The following FBXL17 variants were observed in gnomAD, a reference collection of about 807,000 sequenced individuals.
FBXL17 encodes F-box/LRR-repeat protein 17.
Under a neutral mutation model 66.2 loss-of-function variants are expected in FBXL17, and 22 were observed. The ratio of observed to expected loss-of-function variants is 0.33; its 90% CI spans 0.24 to 0.47. The LOEUF (loss-of-function observed/expected upper bound fraction) is 0.47, where lower values mean the gene tolerates loss of function less well. Among genes scored for constraint, FBXL17 ranks in the 20% least tolerant of loss-of-function variants. The pLI is 1.00. For missense variants in FBXL17, 878 were observed against 948.2 expected (o/e 0.93, Z 0.97); for synonymous variants, 474 against 400.5 (o/e 1.18, Z -2.19).
At chr5:108,009,194 C>T (rs1369999740) in intron 7 of FBXL17, among the ~76,000 whole-genome samples, 2 of 54,146 alleles carry the variant, frequency 3.7e-5, no homozygotes, top group African/African-American at 7.0e-5. Context: ...ATTTGAAAAG[C>T]ATATATATAT....
chr5:107,870,340 A>T (rs1360452531), intron 8 of FBXL17, among the ~76,000 whole-genome samples: 1 of 152,178 alleles, frequency 6.6e-6, no homozygotes, highest in Non-Finnish European at 1.5e-5. Context: ...CTTTTTTCAA[A>T]TATTCACCAC....
chr5:108,319,125 A>T (rs993058676), intron 4 of FBXL17, among the ~76,000 whole-genome samples: 21 of 151,910 alleles, frequency 1.4e-4, no homozygotes, highest in African/African-American at 5.1e-4. Context: ...ATTTTAAATA[A>T]GCCATTCCAC....
intron 7 of FBXL17, among the ~76,000 whole-genome samples, chr5:107,978,071 C>T (rs1272493330): frequency 1.3e-5 from 2 of 151,858 alleles, no homozygotes; most frequent in African/African-American, 4.8e-5. Context: ...CTTATTCAGT[C>T]AGCCTGCAGT....
chr5:108,012,907 A>C (rs1449968284), intron 7 of FBXL17, among the ~76,000 whole-genome samples: 3 of 150,682 alleles, frequency 2.0e-5, no homozygotes, highest in Non-Finnish European at 4.4e-5. Flanking sequence ...CCCAGCTACT[A>C]GGGAGGCTGA....
chr5:107,980,066 G>C (rs1752747925), intron 7 of FBXL17, among the ~76,000 whole-genome samples: 1 of 152,144 alleles, frequency 6.6e-6, no homozygotes, highest in Non-Finnish European at 1.5e-5. Flanking sequence ...CCACATGCGT[G>C]AACCTATGTA....
At chr5:107,960,024 C>A (rs1751829686) in intron 7 of FBXL17, among the ~76,000 whole-genome samples, 1 of 152,288 alleles carries the variant, frequency 6.6e-6, no homozygotes, top group African/African-American at 2.4e-5. Context: ...GTTGTGGAAA[C>A]TGATATTCAG....
chr5:108,238,962 G>A (rs1352683549), intron 4 of FBXL17, among the ~76,000 whole-genome samples: 12 of 152,086 alleles, frequency 7.9e-5, no homozygotes, highest in Admixed American at 2.6e-4. Context: ...TTTCAGTAGA[G>A]AGCTATAACA....
chr5:108,009,261 T>TTTTATATATATA (rs1554056569), intron 7 of FBXL17, among the ~76,000 whole-genome samples: 1 of 20,852 alleles, frequency 4.8e-5, no homozygotes, highest in Non-Finnish European at 8.6e-5. Context: ...GTTCCCTGTT[T>TTTTATATATATA]TATATATATA....
intron 7 of FBXL17, among the ~76,000 whole-genome samples, chr5:107,954,605 T>C (rs756044847): frequency 3.9e-5 from 6 of 152,234 alleles, no homozygotes; most frequent in Non-Finnish European, 8.8e-5. Context: ...TAGAGAATTC[T>C]TTTTAAAAAC....
chr5:108,197,450 T>C (rs1753724179), intron 5 of FBXL17, among the ~76,000 whole-genome samples: 1 of 152,162 alleles, frequency 6.6e-6, no homozygotes, highest in African/African-American at 2.4e-5. Context: ...TTCGAACCAA[T>C]TTCAGTCACT....
Position 108,171,966 on chromosome 5 carries a change from G to A in FBXL17, c.1745+14151C>T, listed in dbSNP as rs187541974. Among the ~76,000 whole-genome samples, 773 of 152,260 alleles carry A rather than the reference G, an allele frequency of 5.1e-3. 11 individuals carry two copies. The highest frequency in any genetic ancestry group is 8.1e-3 in the South Asian group (39 of 4,830). ...TCTCTCTTTTTGCCTGCTGCCATCC[G>A]TGTAAGACGTGACTTGCTCCTCCTT... On this transcript the variant is annotated intron_variant, in intron 6 of 8. Coordinates refer to ENST00000542267, the MANE Select transcript of FBXL17 (RefSeq NM_001163315.3).
chr5:108,152,734 T>G (rs559471780), intron 6 of FBXL17, among the ~76,000 whole-genome samples: 5 of 152,244 alleles, frequency 3.3e-5, no homozygotes, highest in African/African-American at 1.2e-4. Context: ...TTGAGAGGCA[T>G]GAAAATTAGA....
chr5:108,298,028 T>G (rs1267573351), intron 4 of FBXL17: 4 of 984,704 alleles, frequency 4.1e-6, no homozygotes, highest in Non-Finnish European at 1.2e-6. Flanking sequence ...GCAATGCAAT[T>G]ACTTCTGAAC....
rs562012240 is a variant in FBXL17, at chr5:107,976,071, A to G, written c.1822+44854T>C. On this transcript the variant is annotated intron_variant, in intron 7 of 8. Coordinates refer to ENST00000542267, the MANE Select transcript of FBXL17 (RefSeq NM_001163315.3). ...ACAGGGTTTCACCATGTTGGCCAGG[A>G]TGGTCTAGATCTCCTGACCTCATAA... Among the ~76,000 whole-genome samples the G allele has an allele frequency of 2.0e-3, 302 of 152,072 alleles. 2 individuals carry two copies. The highest frequency in any genetic ancestry group is 7.0e-3 in the African/African-American group (290 of 41,492).
chr5:108,315,471 A>T (rs987466927), intron 4 of FBXL17, among the ~76,000 whole-genome samples: 1 of 151,484 alleles, frequency 6.6e-6, no homozygotes, highest in African/African-American at 2.4e-5. Flanking sequence ...TATATTTCAA[A>T]ATATTTGTGT....
intron 7 of FBXL17, among the ~76,000 whole-genome samples, chr5:107,984,171 C>T (rs946445995): frequency 1.4e-4 from 21 of 151,952 alleles, no homozygotes; most frequent in Non-Finnish European, 2.9e-4. Flanking sequence ...CTGGTGGCAT[C>T]AAATTGGACA....
intron 4 of FBXL17, among the ~76,000 whole-genome samples, chr5:108,304,814 TTAAAAAC>T (rs1426397373): frequency 6.6e-6 from 1 of 151,978 alleles, no homozygotes; most frequent in Admixed American, 6.6e-5. Context: ...ACATACTTGA[TTAAAAAC>T]TAAAAACTAT....
chr5:108,303,180 A>G (rs1449875311), intron 4 of FBXL17, among the ~76,000 whole-genome samples: 2 of 151,930 alleles, frequency 1.3e-5, no homozygotes, highest in South Asian at 4.1e-4. Context: ...CTAACTCTTA[A>G]TTAGTGAGTA....
Position 108,291,759 on chromosome 5 carries a change from TC to T in FBXL17, c.1506+56639del, listed in dbSNP as rs949710734. ...AAGTCCTCCCATTCCCAAAACTATGTCCTCTTTCCATTAATACCTATGTCAA... is the reference window on the plus strand; with the variant it reads ...AAGTCCTCCCATTCCCAAAACTATGTCTCTTTCCATTAATACCTATGTCAA... On this transcript the variant is annotated intron_variant, in intron 4 of 8. Transcript: ENST00000542267. Among the ~76,000 whole-genome samples the T allele has an allele frequency of 2.8e-3, 419 of 152,276 alleles. 4 individuals are homozygous for T. The highest frequency in any genetic ancestry group is 9.6e-3 in the African/African-American group (397 of 41,536).
Sources: gnomAD v4.1 joint callset for allele counts (sites outside exome capture counted in the v4.1 genomes callset) on GRCh38, gnomAD v4.1.1 for gene constraint, MANE v1.5 for transcripts, NCBI Gene and HGNC (gene_info 2026-07-23, HGNC 2026-07-21) for gene names.